Variants in GRIPAP1 observed in about 807,000 individuals in gnomAD.
The protein encoded by GRIPAP1 is GRIP1 associated protein 1.
Under a neutral mutation model 84.1 loss-of-function variants are expected in GRIPAP1, and 14 were observed. The ratio of observed to expected loss-of-function variants is 0.17; its 90% confidence interval spans 0.11 to 0.26. The LOEUF (loss-of-function observed/expected upper bound fraction) is 0.26, where lower values mean the gene tolerates loss of function less well. Among genes scored for constraint, GRIPAP1 ranks in the 10% least tolerant of loss-of-function variants. The pLI is 1.00. For missense variants in GRIPAP1, 518 were observed against 674.2 expected, an observed-to-expected ratio of 0.77 and a Z score of 2.57; for synonymous variants, 261 against 256.8, an observed-to-expected ratio of 1.02 and a Z score of -0.15.
intron 21 of GRIPAP1, among the ~76,000 whole-genome samples, chrX:48,979,768 A>C (rs2064445552): frequency 6.3e-5 from 1 of 15,752 alleles, no homozygotes; most frequent in African/African-American, 2.7e-4. Context: ...GCCCGCCACC[A>C]CACCCAGCTA....
At chrX:48,981,957 C>T in intron 17 of GRIPAP1, 85 bp from the exon 18 acceptor site, 1 of 621,947 alleles carries the variant, frequency 1.6e-6, no homozygotes, top group South Asian at 2.5e-5. Context: ...AATGGGGGCC[C>T]AGAGGTATGC....
At chrX:48,981,536 C>G in intron 19 of GRIPAP1, 60 bp downstream of exon 19, 5 of 1,169,007 alleles carry the variant, frequency 4.3e-6, no homozygotes, top group Non-Finnish European at 5.8e-6. Context: ...TGCTCCCTCC[C>G]TGCCCCTCCT....
chrX:48,994,170 A>G (rs1174853149), intron 5 of GRIPAP1, among the ~76,000 whole-genome samples: 1 of 109,494 alleles, frequency 9.1e-6, no homozygotes, highest in Non-Finnish European at 1.9e-5. Flanking sequence ...AGATGAGAAT[A>G]TCGAGGCCTA....
At chrX:48,974,347 T>A in intron 25 of GRIPAP1, 62 bp from the exon 26 acceptor site, 1 of 701,211 alleles carries the variant, frequency 1.4e-6, no homozygotes, top group Non-Finnish European at 2.3e-6. Flanking sequence ...TTGCCAAACG[T>A]AGGGTATCAT....
chrX:48,978,768 C>A (rs966226087), intron 21 of GRIPAP1, among the ~76,000 whole-genome samples: 1 of 109,338 alleles, frequency 9.1e-6, no homozygotes, highest in African/African-American at 3.3e-5. Context: ...GTTGTGTGTG[C>A]CTGTAATTCC....
chrX:48,999,350 G>C (rs782526599), intron 2 of GRIPAP1, 51 bp from the exon 3 acceptor site: 74 of 1,136,289 alleles, frequency 6.5e-5, no homozygotes, highest in Non-Finnish European at 8.7e-5. Context: ...GCAAGAAACT[G>C]AAAGGCCTTC....
At chrX:48,985,042 T>G (rs2064479832) in intron 14 of GRIPAP1, among the ~76,000 whole-genome samples, 1 of 111,024 alleles carries the variant, frequency 9.0e-6, no homozygotes, top group Non-Finnish European at 1.9e-5. Context: ...TAAATTAAAT[T>G]AAAATTTAAA....
intron 25 of GRIPAP1, 145 bp downstream of exon 25, chrX:48,975,010 G>C: frequency 4.4e-6 from 2 of 454,522 alleles, no homozygotes; most frequent in South Asian, 3.4e-5. Flanking sequence ...GAGCATGATG[G>C]AGTAGTTGAT....
At chrX:48,988,309 C>A in intron 11 of GRIPAP1, 111 bp from the exon 12 acceptor site, 1 of 526,275 alleles carries the variant, frequency 1.9e-6, no homozygotes, top group Non-Finnish European at 3.2e-6. Context: ...ACCTGTGGGT[C>A]TCAGACTATC....
intron 23 of GRIPAP1, 47 bp from the exon 24 acceptor site, chrX:48,976,158 C>A: frequency 8.3e-7 from 1 of 1,199,656 alleles, no homozygotes; most frequent in East Asian, 3.0e-5. Flanking sequence ...TGTACATGTT[C>A]ACACATGAGG....
intron 13 of GRIPAP1, 68 bp downstream of exon 13, chrX:48,987,717 T>A: frequency 1.5e-6 from 1 of 669,606 alleles, no homozygotes; most frequent in Non-Finnish European, 2.4e-6. Flanking sequence ...TACCCTGATG[T>A]GGACCAGAAG....
At position 48,999,314 on chromosome X, in the gene GRIPAP1, G is replaced by A; in HGVS notation, c.110-15C>T. The A allele has an allele frequency of 8.4e-7, 1 of 1,196,411 alleles. No individual in the cohort carries two copies. The highest frequency in any genetic ancestry group is 1.1e-6 in the Non-Finnish European group (1 of 881,655). ...ACTGGTGAGTTCTGGTGTCGGGAAA[G>A]CAGGGAAACTCAGCCTCAGCCAGTG... On this transcript the variant is annotated splice_polypyrimidine_tract_variant and intron_variant, in intron 2 of 25. Transcript: ENST00000376423.
At chrX:49,000,364 C>CAAAAA (rs1156902802) in intron 1 of GRIPAP1, among the ~76,000 whole-genome samples, 2 of 22,217 alleles carry the variant, frequency 9.0e-5, no homozygotes, top group African/African-American at 2.9e-4. Context: ...GACTCTGTCT[C>CAAAAA]AAAAAAAAAA....
intron 12 of GRIPAP1, 90 bp downstream of exon 12, chrX:48,988,031 A>G: frequency 1.4e-6 from 1 of 724,309 alleles, no homozygotes. Flanking sequence ...GGGAAGCAGG[A>G]TCCCTGGGAC....
intron 1 of GRIPAP1, among the ~76,000 whole-genome samples, chrX:49,000,233 C>T (rs962365288): frequency 9.3e-6 from 1 of 107,366 alleles, no homozygotes; most frequent in Admixed American, 1.0e-4. Flanking sequence ...GGTGTGGTGG[C>T]GCACACCTGT....
chrX:48,981,276 T>C lies in GRIPAP1; in HGVS notation c.1869A>G (p.Lys623=). 8.3e-7 allele frequency: 1 copy of C among 1,211,214 alleles called. No homozygotes were observed. The highest frequency in any genetic ancestry group is 1.1e-6 in the Non-Finnish European group (1 of 895,073). Residue 623 remains lysine, a synonymous_variant, in exon 21 of 26, where the codon AAA becomes AAG. Coordinates refer to ENST00000376423, the MANE Select transcript of GRIPAP1 (RefSeq NM_020137.5). The part of the protein sequence containing the change: ...DLKRQLHLER[K]RADKLQERLQ... The stretch of plus-strand genomic sequence containing the variant: ...GTCGCTCCTGCAGCTTATCTGCCCG[T>C]TTCCGCTCCAAATGCAGCTGCCGCT...
Position 48,989,728 on chromosome X carries a change from G to C in GRIPAP1, c.771-18C>G. ...TCTTGTTCCTAGGAGTGATGGGGAG[G>C]GGGTGTGTTGGACATGGCTTGAGGC... On this transcript the variant is annotated intron_variant, in intron 10 of 25. Coordinates refer to ENST00000376423, the MANE Select transcript of GRIPAP1 (RefSeq NM_020137.5). 1 of 1,125,188 alleles carries C rather than the reference G, an allele frequency of 8.9e-7. No individual in the cohort carries two copies. The highest frequency in any genetic ancestry group is 1.8e-5 in the African/African-American group (1 of 56,242). The allele number at this position is 1,125,188 out of a possible 1,213,427, so 92.7% of individuals were successfully genotyped here.
chrX:48,996,052 G>A (rs1286648472), intron 5 of GRIPAP1, among the ~76,000 whole-genome samples: 1 of 112,029 alleles, frequency 8.9e-6, no homozygotes, highest in African/African-American at 3.2e-5. Flanking sequence ...GCCCTGTGAA[G>A]AGGCAGGTAC....
chrX:48,991,361 C>G (rs1557065510), intron 6 of GRIPAP1: 1 of 345,094 alleles, frequency 2.9e-6, no homozygotes, highest in East Asian at 5.0e-5. Context: ...TTCACTGCAA[C>G]CTTGACCTCC....
Sources: gnomAD v4.1 joint callset for allele counts (sites outside exome capture counted in the v4.1 genomes callset) on GRCh38, gnomAD v4.1.1 for gene constraint, MANE v1.5 for transcripts, NCBI Gene and HGNC (gene_info 2026-07-23, HGNC 2026-07-21) for gene names.